MAML2: variants seen among roughly 807,000 people sequenced by gnomAD.
MAML2 encodes mastermind-like protein 2.
In MAML2, 22 loss-of-function variants were observed where a neutral mutation model predicts 96.1. The observed-to-expected ratio is 0.23, with a 90% CI of 0.16 to 0.33. MAML2 has a LOEUF of 0.33. Ranked by LOEUF, MAML2 falls within the 10% of genes least tolerant of loss-of-function variation. MAML2 has a pLI of 1.00. For synonymous variants in MAML2, 561 were observed against 521.3 expected, an observed-to-expected ratio of 1.08 and a Z score of -1.04; for missense variants, 1,367 against 1,392.4, an observed-to-expected ratio of 0.98 and a Z score of 0.29.
At chr11:96,182,642 A>G (rs1861504211) in intron 1 of MAML2, among the ~76,000 whole-genome samples, 1 of 152,200 alleles carries the variant, frequency 6.6e-6, no homozygotes, top group Non-Finnish European at 1.5e-5. Flanking sequence ...CATCATGTGT[A>G]TGTCCTTATT....
At chr11:96,175,476 T>C (rs529879905) in intron 1 of MAML2, among the ~76,000 whole-genome samples, 8 of 152,332 alleles carry the variant, frequency 5.3e-5, no homozygotes, top group African/African-American at 1.9e-4. Flanking sequence ...AAGACGTGGG[T>C]TTACCACCAT....
At chr11:96,176,918 G>A (rs1425639615) in intron 1 of MAML2, among the ~76,000 whole-genome samples, 2 of 152,134 alleles carry the variant, frequency 1.3e-5, no homozygotes, top group Non-Finnish European at 2.9e-5. Flanking sequence ...GACTGAGCAC[G>A]CTATATGCCA....
intron 2 of MAML2, among the ~76,000 whole-genome samples, chr11:96,012,931 C>T (rs1443493148): frequency 6.6e-6 from 1 of 152,164 alleles, no homozygotes; most frequent in Non-Finnish European, 1.5e-5. Context: ...TCAATGTTCC[C>T]TTTTCCTGTG....
At chr11:96,167,003 C>T (rs1231442410) in intron 1 of MAML2, among the ~76,000 whole-genome samples, 1 of 152,172 alleles carries the variant, frequency 6.6e-6, no homozygotes, top group Admixed American at 6.5e-5. Flanking sequence ...CACCATGTCC[C>T]CATTTGAAAA....
intron 1 of MAML2, among the ~76,000 whole-genome samples, chr11:96,246,567 C>T (rs483431): frequency 0.86 from 131,297 of 152,098 alleles, 56,865 homozygotes; most frequent in African/African-American, 0.92. Context: ...AAAGCCATTT[C>T]AGGTACACTA....
chr11:96,318,439 G>A (rs1863659483), intron 1 of MAML2, among the ~76,000 whole-genome samples: 1 of 152,194 alleles, frequency 6.6e-6, no homozygotes, highest in Non-Finnish European at 1.5e-5. Context: ...TCATTTAAGA[G>A]AGTTAACTAA....
intron 1 of MAML2, among the ~76,000 whole-genome samples, chr11:96,234,786 A>C (rs1434070805): frequency 6.6e-6 from 1 of 152,202 alleles, no homozygotes; most frequent in Non-Finnish European, 1.5e-5. Flanking sequence ...CTTCATTTCC[A>C]TTTTTTAACT....
intron 1 of MAML2, among the ~76,000 whole-genome samples, chr11:96,144,287 GA>G (rs1808109466): frequency 6.6e-6 from 1 of 152,140 alleles, no homozygotes; most frequent in Admixed American, 6.5e-5. Context: ...ATCTAGAGAA[GA>G]ATTTTTATAA....
intron 1 of MAML2, among the ~76,000 whole-genome samples, chr11:96,211,908 A>G (rs557336398): frequency 6.6e-6 from 1 of 152,326 alleles, no homozygotes; most frequent in East Asian, 1.9e-4. Flanking sequence ...GAACTAGGCC[A>G]CAGAGAAAAG....
At chr11:96,091,667 C>G (rs1859707818) in intron 2 of MAML2, among the ~76,000 whole-genome samples, 1 of 152,172 alleles carries the variant, frequency 6.6e-6, no homozygotes, top group Non-Finnish European at 1.5e-5. Context: ...AACCTTTGAT[C>G]ATTACAGATC....
chr11:96,080,154 T>C (rs981364320), intron 2 of MAML2, among the ~76,000 whole-genome samples: 4 of 152,202 alleles, frequency 2.6e-5, no homozygotes, highest in Non-Finnish European at 5.9e-5. Context: ...TTTATCTGAC[T>C]ATATTGTGGC....
chr11:96,273,137 G>A (rs1486467638), intron 1 of MAML2, among the ~76,000 whole-genome samples: 3 of 152,264 alleles, frequency 2.0e-5, no homozygotes, highest in Non-Finnish European at 2.9e-5. Flanking sequence ...CAAGAGGACA[G>A]TCACAATCAG....
chr11:96,012,013 C>G (rs1819718333), intron 2 of MAML2, among the ~76,000 whole-genome samples: 1 of 152,138 alleles, frequency 6.6e-6, no homozygotes, highest in African/African-American at 2.4e-5. Flanking sequence ...ATAAAATCTA[C>G]TTTTATTTAC....
At chr11:96,310,832 C>T (rs964433279) in intron 1 of MAML2, among the ~76,000 whole-genome samples, 9 of 152,168 alleles carry the variant, frequency 5.9e-5, no homozygotes, top group African/African-American at 1.9e-4. Context: ...TCTTTATAAG[C>T]TATAATCTGC....
chr11:96,015,585 G>GC (rs1491408645), intron 2 of MAML2, among the ~76,000 whole-genome samples: 3 of 10,394 alleles, frequency 2.9e-4, no homozygotes, highest in Admixed American at 6.4e-4. Context: ...AAAAAAAAAA[G>GC]GGGGGGGGGG....
intron 1 of MAML2, among the ~76,000 whole-genome samples, chr11:96,112,606 A>C (rs1425189874): frequency 6.6e-6 from 1 of 152,246 alleles, no homozygotes; most frequent in Non-Finnish European, 1.5e-5. Flanking sequence ...AACCAGAAGG[A>C]GACCATTCTT....
intron 1 of MAML2, among the ~76,000 whole-genome samples, chr11:96,131,475 T>C (rs1279680965): frequency 1.3e-5 from 2 of 152,192 alleles, no homozygotes; most frequent in African/African-American, 4.8e-5. Flanking sequence ...GTTGTACACT[T>C]GAGAAAATAA....
At chr11:96,341,182 G>A (rs1382724106) in intron 1 of MAML2, among the ~76,000 whole-genome samples, 1 of 152,166 alleles carries the variant, frequency 6.6e-6, no homozygotes. Context: ...ATAAGCGAAG[G>A]AAAACCCAGG....
intron 1 of MAML2, among the ~76,000 whole-genome samples, chr11:96,310,738 T>G (rs1863530546): frequency 6.6e-6 from 1 of 152,218 alleles, no homozygotes; most frequent in Non-Finnish European, 1.5e-5. Context: ...TGTGCCTCTC[T>G]GAGCCTCAGT....
Sources: gnomAD v4.1 joint callset for allele counts (sites outside exome capture counted in the v4.1 genomes callset) on GRCh38, gnomAD v4.1.1 for gene constraint, MANE v1.5 for transcripts, NCBI Gene and HGNC (gene_info 2026-07-23, HGNC 2026-07-21) for gene names.